FN3K: variants seen among roughly 807,000 people sequenced by gnomAD.
FN3K encodes fructosamine 3 kinase.
Under a neutral mutation model 24.8 loss-of-function variants are expected in FN3K, and 24 were observed. That is an observed-to-expected ratio of 0.97 (90% CI 0.70 to 1.36). FN3K has a LOEUF of 1.36. FN3K is among the 40% of genes most tolerant of loss of function. The pLI, the probability that FN3K is intolerant of heterozygous loss-of-function variation, is 0.00. For missense variants in FN3K, 449 were observed against 416.7 expected (o/e 1.08, Z -0.67); for synonymous variants, 192 against 175.2 (o/e 1.10, Z -0.76).
At chr17:82,736,472 G>T (rs528440601) in intron 1 of FN3K, 1 of 152,532 alleles carries the variant, frequency 6.6e-6, no homozygotes, top group African/African-American at 2.4e-5. Flanking sequence ...GGAGATGGAG[G>T]TTGCAGTGAG....
intron 3 of FN3K, 96 bp from the exon 4 acceptor site, chr17:82,741,215 G>C: frequency 9.3e-7 from 1 of 1,069,950 alleles, no homozygotes; most frequent in Non-Finnish European, 1.4e-6. Context: ...CTATATTCTA[G>C]CATGCGTAGC....
At chr17:82,738,938 A>ACG (rs1355753057) in intron 2 of FN3K, among the ~76,000 whole-genome samples, 2 of 101,788 alleles carry the variant, frequency 2.0e-5, no homozygotes, top group African/African-American at 8.1e-5. Context: ...ATATATATAT[A>ACG]TATATATATT....
intron 4 of FN3K, among the ~76,000 whole-genome samples, chr17:82,747,848 C>T (rs1465792178): frequency 4.6e-5 from 7 of 152,198 alleles, no homozygotes; most frequent in African/African-American, 1.7e-4. Flanking sequence ...TTCACCCTTA[C>T]GATTTTATTT....
At chr17:82,736,037 G>T (rs1379826449) in intron 1 of FN3K, 3 of 447,294 alleles carry the variant, frequency 6.7e-6, no homozygotes, top group South Asian at 2.6e-5. Flanking sequence ...TCCAGCAAGC[G>T]TCGGGGGATG....
intron 4 of FN3K, chr17:82,745,564 ACACATC>A (rs2046964049): frequency 6.6e-6 from 1 of 152,312 alleles, no homozygotes; most frequent in Admixed American, 6.5e-5. Flanking sequence ...CATCCGTGAT[ACACATC>A]CATGTTGCAT....
At position 82,750,536 on chromosome 17, in the gene FN3K, CTTCTATG is replaced by C. The variant is rs746991728; in HGVS notation, c.712_718del (p.Phe238AlafsTer11). 6.2e-7 allele frequency: 1 copy of C among 1,614,174 alleles called. No homozygotes were observed. Among genetic ancestry groups the C allele is most frequent in the Non-Finnish European group, 8.5e-7 (1 of 1,180,028 alleles). The stretch of plus-strand genomic sequence containing the variant: ...GGCCCATTATTTACGACCCGGCTTC[CTTCTATG>C]GCCATTCCGAGTTTGAACTGGCAAT... On this transcript the variant is annotated frameshift_variant, in exon 6 of 6. Coordinates refer to ENST00000300784, the MANE Select transcript of FN3K (RefSeq NM_022158.4). LOFTEE classifies it low-confidence loss of function (END_TRUNC).
At chr17:82,742,413 C>A (rs190118655) in intron 4 of FN3K, among the ~76,000 whole-genome samples, 40 of 152,334 alleles carry the variant, frequency 2.6e-4, no homozygotes, top group Admixed American at 4.6e-4. Flanking sequence ...TGGTCCCTGG[C>A]AACCTCTAAT....
chr17:82,749,120 C>G (rs919966905), intron 5 of FN3K, 143 bp downstream of exon 5: 16 of 1,256,918 alleles, frequency 1.3e-5, no homozygotes, highest in Non-Finnish European at 1.7e-5. Flanking sequence ...GGGGCAGGGG[C>G]GGGGGTTCCC....
At chr17:82,750,362 T>G in intron 5 of FN3K, 55 bp from the exon 6 acceptor site, 1 of 1,478,886 alleles carries the variant, frequency 6.8e-7, no homozygotes, top group Admixed American at 1.7e-5. Context: ...AAGAACGAGG[T>G]GATGAGACCG....
intron 4 of FN3K, among the ~76,000 whole-genome samples, chr17:82,746,252 T>G (rs2046968177): frequency 6.6e-6 from 1 of 151,954 alleles, no homozygotes; most frequent in South Asian, 2.1e-4. Context: ...GCGTGAAATA[T>G]TATCTCACTG....
intron 4 of FN3K, 125 bp from the exon 5 acceptor site, chr17:82,748,730 G>A (rs1475988495): frequency 2.1e-6 from 3 of 1,463,350 alleles, no homozygotes; most frequent in African/African-American, 1.4e-5. Context: ...AGTATTTTAT[G>A]TTTCTGTCTT....
chr17:82,742,496 CTT>C, intron 4 of FN3K: 1 of 340,424 alleles, frequency 2.9e-6, no homozygotes, highest in South Asian at 2.3e-5. Flanking sequence ...TCTTTTGTAT[CTT>C]TCATTCAGCA....
Position 82,750,780 on chromosome 17 carries a change from T to A in FN3K, c.*25T>A. 6.4e-7 allele frequency: 1 copy of A among 1,568,276 alleles called. No homozygotes were observed. Among genetic ancestry groups the A allele is most frequent in the African/African-American group, 1.4e-5 (1 of 71,268 alleles). On this transcript the variant is annotated 3_prime_UTR_variant, in exon 6 of 6. Coordinates refer to ENST00000300784, the MANE Select transcript of FN3K (RefSeq NM_022158.4). ...GCGGCCCCTGCCCTCCCTTCCCCTG[T>A]CCCCGTCCCCGTCTCCGTCTCCCCG...
Position 82,735,620 on chromosome 17 carries a change from C to T in FN3K, c.-17C>T. 6.6e-7 allele frequency: 1 copy of T among 1,513,018 alleles called. No individual in the cohort carries two copies. The highest frequency in any genetic ancestry group is 8.8e-7 in the Non-Finnish European group (1 of 1,139,380). The allele number at this position is 1,513,018 out of a possible 1,614,324, so 93.7% of individuals were successfully genotyped here. A position where few individuals can be genotyped will look rare whatever the true frequency, so the allele number is the denominator to read the frequency against. ...ACAGGGGCTTCCGAGCGAGCAGAGT[C>T]CCGCGCCCCGCACTCCATGGAGCAG... On this transcript the variant is annotated 5_prime_UTR_variant, in exon 1 of 6. Transcript: ENST00000300784.
intron 4 of FN3K, among the ~76,000 whole-genome samples, chr17:82,743,123 C>T (rs1275844928): frequency 6.6e-6 from 1 of 152,140 alleles, no homozygotes; most frequent in Non-Finnish European, 1.5e-5. Flanking sequence ...CTTCACCTGT[C>T]CAGGTGAGCA....
At chr17:82,746,533 G>A (rs1030383242) in intron 4 of FN3K, among the ~76,000 whole-genome samples, 4 of 152,254 alleles carry the variant, frequency 2.6e-5, no homozygotes, top group African/African-American at 9.6e-5. Flanking sequence ...GGGCATGGTG[G>A]CTCGCGCCTG....
intron 2 of FN3K, 50 bp downstream of exon 2, chr17:82,738,690 A>G: frequency 6.2e-7 from 1 of 1,604,654 alleles, no homozygotes; most frequent in Non-Finnish European, 8.5e-7. Context: ...GCAGAGAGAG[A>G]CTCAGAGACA....
At chr17:82,750,372 G>A (rs1412733577) in intron 5 of FN3K, 45 bp from the exon 6 acceptor site, 1 of 1,538,676 alleles carries the variant, frequency 6.5e-7, no homozygotes, top group Admixed American at 1.7e-5. Context: ...TGATGAGACC[G>A]GGGCTCCCAG....
chr17:82,738,526 A>C lies in FN3K; in HGVS notation c.179A>C (p.Glu60Ala). ...TTTGAGGGGGAGGTGGCCAGCCTGGAGGCCCTCAGGAGCACGGGCCTGGTG... is the reference window on the plus strand; with the variant it reads ...TTTGAGGGGGAGGTGGCCAGCCTGGCGGCCCTCAGGAGCACGGGCCTGGTG... ...QMFEGEVASL[E>A]ALRSTGLVRV... The change falls in exon 2 of 6, where the codon GAG becomes GCG. Residue 60 changes from glutamate (E) to alanine (A), a missense_variant. Physicochemically the swap from Glu to Ala is moderately radical, Grantham distance 107. Transcript: ENST00000300784. The C allele has an allele frequency of 6.2e-7, 1 of 1,612,176 alleles. No homozygotes were observed. The highest frequency in any genetic ancestry group is 1.3e-5 in the African/African-American group (1 of 74,988).
Sources: allele counts gnomAD v4.1 joint callset (sites outside exome capture counted in the v4.1 genomes callset), GRCh38; gene constraint gnomAD v4.1.1; transcripts MANE v1.5; gene names NCBI Gene and HGNC (gene_info 2026-07-23, HGNC 2026-07-21).